Variants in FBXO21 observed in about 807,000 individuals in gnomAD.
FBXO21 encodes the protein F-box protein 21, also known as F-box only protein 21.
FBXO21 carries 32 observed loss-of-function variants against 76.6 expected under a neutral mutation model. The ratio of observed to expected loss-of-function variants is 0.42; its 90% CI spans 0.32 to 0.56. FBXO21 has a LOEUF of 0.56. FBXO21 is among the 20% of genes least tolerant of loss of function. The pLI, the probability that FBXO21 is intolerant of heterozygous loss-of-function variation, is 0.16. For synonymous variants in FBXO21, 328 were observed against 311.5 expected (o/e 1.05, Z -0.56); for missense variants, 586 against 797.3 (o/e 0.73, Z 3.19).
chr12:117,152,204 C>T (rs1444860138), intron 11 of FBXO21, among the ~76,000 whole-genome samples: 5 of 152,232 alleles, frequency 3.3e-5, no homozygotes, highest in Non-Finnish European at 7.3e-5. Context: ...CGGTGGCTCA[C>T]ACCTGTGATC....
chr12:117,175,857 G>A, intron 4 of FBXO21, among the ~76,000 whole-genome samples: 1 of 152,140 alleles, frequency 6.6e-6, no homozygotes, highest in East Asian at 1.9e-4. Context: ...ACACTGATGT[G>A]GAAGTTCTTT....
chr12:117,174,811 A>T lies in FBXO21; in HGVS notation c.593-14T>A, dbSNP rs777244520. 7.5e-6 allele frequency: 12 copies of T among 1,606,296 alleles called. No individual in the cohort carries two copies. Among genetic ancestry groups the T allele is most frequent in the Non-Finnish European group, 9.4e-6 (11 of 1,175,568 alleles). ...TATATACAGCACCTGAAAATGAACA[A>T]GAATTACCGAATAAATTCTCACGTT... On this transcript the variant is annotated splice_polypyrimidine_tract_variant and intron_variant, in intron 4 of 11. Coordinates refer to ENST00000622495, the MANE Select transcript of FBXO21 (RefSeq NM_015002.3).
intron 3 of FBXO21, among the ~76,000 whole-genome samples, chr12:117,181,336 C>A (rs1316327818): frequency 1.3e-5 from 2 of 152,088 alleles, no homozygotes; most frequent in Non-Finnish European, 2.9e-5. Flanking sequence ...GCTATTTTTT[C>A]CTTTGGCACA....
chr12:117,187,112 G>A (rs1034763081), intron 2 of FBXO21, among the ~76,000 whole-genome samples: 9 of 151,302 alleles, frequency 5.9e-5, no homozygotes, highest in East Asian at 1.9e-4. Context: ...ATGAAACTCC[G>A]TTTTAAAAAA....
intron 9 of FBXO21, among the ~76,000 whole-genome samples, chr12:117,164,826 A>G (rs1566000302): frequency 1.3e-5 from 2 of 152,204 alleles, no homozygotes; most frequent in Non-Finnish European, 2.9e-5. Flanking sequence ...GACTATTCAC[A>G]TATTTCCAGA....
rs1034938299 is a variant in FBXO21 at position 117,142,262 on chromosome 12, C to T, written c.*3825G>A. 3 of 152,182 alleles carry T rather than the reference C, an allele frequency of 2.0e-5. No homozygotes were observed. Among genetic ancestry groups the T allele is most frequent in the Non-Finnish European group, 2.9e-5 (2 of 68,052 alleles). 9.4% of individuals were successfully genotyped at this position (152,182 alleles called of 1,614,324 possible). A position where few individuals can be genotyped will look rare whatever the true frequency, so the allele number is the denominator to read the frequency against. On this transcript the variant is annotated 3_prime_UTR_variant, in exon 12 of 12. Coordinates refer to ENST00000622495, the MANE Select transcript of FBXO21 (RefSeq NM_015002.3). Reference sequence around the variant, plus strand: ...GTGGTTCCTGGAGACTCAGGGACCACCTGTATTCCACATCCGGCTTCCCAC... The same window carrying T: ...GTGGTTCCTGGAGACTCAGGGACCATCTGTATTCCACATCCGGCTTCCCAC...
At chr12:117,151,634 A>G (rs989903226) in intron 11 of FBXO21, among the ~76,000 whole-genome samples, 2 of 152,210 alleles carry the variant, frequency 1.3e-5, no homozygotes, top group African/African-American at 2.4e-5. Flanking sequence ...TTGGCCTCTC[A>G]CTGGCTAAAA....
intron 11 of FBXO21, among the ~76,000 whole-genome samples, chr12:117,149,961 A>C (rs1955820052): frequency 6.6e-6 from 1 of 152,138 alleles, no homozygotes; most frequent in South Asian, 2.1e-4. Context: ...GCAAGAAGTA[A>C]ATGACAGTCC....
Position 117,174,428 on chromosome 12 carries a change from C to T in FBXO21, c.740-87G>A. ...ACAACTCACAACATGAAGACATTGG[C>T]AATGGCCTAACAATATTAATCAAGT... is the stretch of plus-strand genomic sequence containing the variant. On this transcript the variant is annotated intron_variant, in intron 5 of 11. Transcript: ENST00000622495. 2.8e-6 allele frequency: 4 copies of T among 1,427,400 alleles called. No individual in the cohort carries two copies. The Middle Eastern group carries it at 5.3e-4, about 188-fold the overall frequency. The allele number at this position is 1,427,400 out of a possible 1,614,324, so 88.4% of individuals were successfully genotyped here.
intron 11 of FBXO21, among the ~76,000 whole-genome samples, chr12:117,147,000 T>G (rs1397488546): frequency 6.6e-6 from 1 of 152,062 alleles, no homozygotes; most frequent in African/African-American, 2.4e-5. Flanking sequence ...CCCAGCACTT[T>G]GGGAGGCTGA....
intron 3 of FBXO21, among the ~76,000 whole-genome samples, chr12:117,186,138 A>G (rs1471728301): frequency 1.3e-4 from 20 of 152,168 alleles, no homozygotes; most frequent in Admixed American, 1.3e-3. Context: ...CGGCCTCCCA[A>G]AGTGCTGGGA....
Position 117,161,954 on chromosome 12 carries a change from T to C in FBXO21, c.1326+3531A>G, listed in dbSNP as rs537402872. Among the ~76,000 whole-genome samples, 5 of 152,268 alleles carry C rather than the reference T, an allele frequency of 3.3e-5. No individual in the cohort carries two copies. In the East Asian group the frequency reaches 9.7e-4, roughly 29 times the overall value. On this transcript the variant is annotated intron_variant, in intron 9 of 11. Transcript: ENST00000622495. The stretch of plus-strand genomic sequence containing the variant: ...GTACTGCATTTATCAACGAGGAGAA[T>C]GGTTTCAGCCAAAGAGGGTCACTGG...
In FBXO21 at chr12:117,163,201, G is replaced by C. The variant is rs74767318; in HGVS notation, c.1326+2284C>G. Among the ~76,000 whole-genome samples the C allele has an allele frequency of 4.6e-3, 700 of 152,286 alleles. 1 individual carries two copies. The highest frequency in any genetic ancestry group is 0.016 in the African/African-American group (656 of 41,532). ...AAGGGGATGTTAATAGCATCACTTC[G>C]ACAATGACTCAAAATTTAACTATCA... On this transcript the variant is annotated intron_variant, in intron 9 of 11. Transcript: ENST00000622495.
At chr12:117,187,047 C>T (rs952519099) in intron 2 of FBXO21, among the ~76,000 whole-genome samples, 51 of 151,612 alleles carry the variant, frequency 3.4e-4, no homozygotes, top group Non-Finnish European at 5.9e-4. Context: ...ACCCGGGAGG[C>T]GGAGGTTACA....
At chr12:117,181,141 T>G (rs981524946) in intron 3 of FBXO21, among the ~76,000 whole-genome samples, 4 of 152,204 alleles carry the variant, frequency 2.6e-5, no homozygotes, top group South Asian at 2.1e-4. Flanking sequence ...TTGTTTTTTT[T>G]GGGGCGGGGA....
chr12:117,187,567 GC>G (rs1956296268), intron 2 of FBXO21, among the ~76,000 whole-genome samples: 1 of 152,000 alleles, frequency 6.6e-6, no homozygotes, highest in Non-Finnish European at 1.5e-5. Context: ...CCGGGCCAAA[GC>G]AATCACCCAC....
chr12:117,188,916 T>C (rs1220744539), intron 2 of FBXO21: 1 of 262,578 alleles, frequency 3.8e-6, no homozygotes, highest in East Asian at 7.7e-5. Flanking sequence ...GCAAAAAAAA[T>C]CCGTTGAACC....
intron 8 of FBXO21, among the ~76,000 whole-genome samples, chr12:117,166,137 C>A (rs1027619875): frequency 2.0e-5 from 3 of 147,398 alleles, no homozygotes; most frequent in Admixed American, 1.4e-4. Flanking sequence ...TTGTGGTGAA[C>A]TGAGATCACG....
chr12:117,166,995 A>G lies in FBXO21; in HGVS notation c.1096T>C (p.Leu366=). 6.2e-7 allele frequency: 1 copy of G among 1,614,144 alleles called. No homozygotes were observed. The highest frequency in any genetic ancestry group is 8.5e-7 in the Non-Finnish European group (1 of 1,179,994). The change falls in exon 8 of 12, where the codon TTG becomes CTG. Residue 366 remains leucine, a synonymous_variant. Coordinates refer to ENST00000622495, the MANE Select transcript of FBXO21 (RefSeq NM_015002.3). ...GCTGCAGTCACGTGCTGGCCGATCA[A>G]GTACTCGCATTCTTTCACTGTCAGC... is the stretch of plus-strand genomic sequence containing the variant. ...KQLTVKECEY[L]IGQHVTAALY... is the part of the protein sequence containing the mutation.
Sources: gnomAD v4.1 joint callset for allele counts (sites outside exome capture counted in the v4.1 genomes callset) on GRCh38, gnomAD v4.1.1 for gene constraint, MANE v1.5 for transcripts, NCBI Gene and HGNC (gene_info 2026-07-23, HGNC 2026-07-21) for gene names.